Variants in PRPF40B observed in about 807,000 individuals in gnomAD.
PRPF40B encodes pre-mRNA-processing factor 40 homolog B.
Under a neutral mutation model 124.5 loss-of-function variants are expected in PRPF40B, and 56 were observed. The ratio of observed to expected loss-of-function variants is 0.45; its 90% confidence interval spans 0.36 to 0.56. PRPF40B has a LOEUF of 0.56. PRPF40B is among the 20% of genes least tolerant of loss of function. The pLI is 0.00. For synonymous variants in PRPF40B, 443 were observed against 426.4 expected (o/e 1.04, Z -0.48); for missense variants, 1,053 against 1,169.5 (o/e 0.90, Z 1.45).
intron 18 of PRPF40B, 146 bp from the exon 19 acceptor site, chr12:49,641,762 A>G: frequency 1.6e-6 from 1 of 635,286 alleles, no homozygotes; most frequent in Admixed American, 2.7e-5. Context: ...GGACTTGGAT[A>G]ACTTGGTTTC....
chr12:49,634,317 C>A lies in PRPF40B; in HGVS notation c.813-15C>A. The A allele has an allele frequency of 6.2e-7, 1 of 1,614,090 alleles. No individual in the cohort carries two copies. The highest frequency in any genetic ancestry group is 8.5e-7 in the Non-Finnish European group (1 of 1,180,016). On this transcript the variant is annotated splice_polypyrimidine_tract_variant and intron_variant, in intron 10 of 25. Transcript: ENST00000548825. ...AGCTGGGGGACCCTGTGGCTGAGTC[C>A]CCTGTGCCCTCCAGTTCTGGACAGC...
chr12:49,623,693 G>C, intron 1 of PRPF40B, 100 bp downstream of exon 1: 4 of 1,224,176 alleles, frequency 3.3e-6, no homozygotes, highest in Non-Finnish European at 4.1e-6. Context: ...GCTGGGGATA[G>C]CTGGGACCCC....
rs759739465 is a variant in PRPF40B at position 49,635,946 on chromosome 12, A to G, written c.1379A>G (p.Gln460Arg). The G allele has an allele frequency of 6.2e-7, 1 of 1,614,144 alleles. No homozygotes were observed. The highest frequency in any genetic ancestry group is 8.5e-7 in the Non-Finnish European group (1 of 1,180,004). ...NFQTTWSQAQ[Q>R]YLMDNPSFAQ... ...CAAACCACGTGGTCCCAGGCCCAGC[A>G]GTACCTCATGGATAACCCCAGCTTT... Residue 460 changes from glutamine (Q) to arginine (R), a missense_variant, in exon 15 of 26, where the codon CAG (glutamine) becomes CGG (arginine). Gln to Arg is a conservative substitution (Grantham distance 43, BLOSUM62 1). Transcript: ENST00000548825. This position sits in a 1 kb window ranked among gnomAD's most constrained non-coding sequence, Gnocchi z 4.1.
At position 49,641,896 on chromosome 12, in the gene PRPF40B, C is replaced by T. The variant is rs1395628692; in HGVS notation, c.1768-12C>T. On this transcript the variant is annotated splice_polypyrimidine_tract_variant and intron_variant, in intron 18 of 25. Coordinates refer to ENST00000548825, the MANE Select transcript of PRPF40B (RefSeq NM_001031698.3). ...CGTGGTGCCCCTGCTTCATGCACTG[C>T]TGTACCCACAGGACCGGGGCTTCTG... 2 of 1,610,968 alleles carry T rather than the reference C, an allele frequency of 1.2e-6. No individual in the cohort carries two copies. Among genetic ancestry groups the T allele is most frequent in the East Asian group, 4.5e-5 (2 of 44,894 alleles).
chr12:49,641,362 G>C (rs1942625113), intron 18 of PRPF40B: 1 of 152,874 alleles, frequency 6.5e-6, no homozygotes, highest in Non-Finnish European at 1.5e-5. Context: ...TATATCAGCT[G>C]TGAGACCTTG....
chr12:49,634,287 G>A (rs946091604), intron 10 of PRPF40B, 45 bp from the exon 11 acceptor site: 1 of 1,613,356 alleles, frequency 6.2e-7, no homozygotes, highest in African/African-American at 1.3e-5. Flanking sequence ...ACTGAAAGCT[G>A]TGAGAGCTGG....
intron 1 of PRPF40B, among the ~76,000 whole-genome samples, 159 bp from the exon 2 acceptor site, chr12:49,630,386 C>G (rs1941104773): frequency 6.6e-6 from 1 of 152,184 alleles, no homozygotes; most frequent in Non-Finnish European, 1.5e-5. Context: ...GAGAGCAAAC[C>G]TACCAAGGGC....
At chr12:49,630,937 C>T (rs983332958) in intron 2 of PRPF40B, among the ~76,000 whole-genome samples, 4 of 152,176 alleles carry the variant, frequency 2.6e-5, no homozygotes, top group African/African-American at 9.7e-5. Flanking sequence ...TTCACTACTC[C>T]TTACCTATGC....
At chr12:49,623,475 G>T, upstream of PRPF40B, 2 of 1,151,406 alleles carry the variant, frequency 1.7e-6, no homozygotes, top group Non-Finnish European at 2.2e-6. Flanking sequence ...CGGAGCCCCG[G>T]CCACGAAGGG....
In PRPF40B at chr12:49,635,251, C is replaced by T. The variant is rs147618846; in HGVS notation, c.1154C>T (p.Thr385Ile). The T allele has an allele frequency of 1.2e-6, 2 of 1,613,160 alleles. No homozygotes were observed. The highest frequency in any genetic ancestry group is 1.7e-6 in the Non-Finnish European group (2 of 1,179,510). Reference protein sequence around the residue: ...FLEQHERMTSTTRYRRAEQTF... With the variant: ...FLEQHERMTSITRYRRAEQTF... The stretch of plus-strand genomic sequence containing the variant: ...GAGCAGCATGAACGCATGACCTCCA[C>T]CACCCGCTACCGGTCAGGGGGCCAG... Residue 385 changes from threonine (T) to isoleucine (I), a missense_variant, in exon 13 of 26, where the codon ACC becomes ATC. Physicochemically the swap from Thr to Ile is moderately conservative, Grantham distance 89. Coordinates refer to ENST00000548825, the MANE Select transcript of PRPF40B (RefSeq NM_001031698.3). The surrounding 1 kb of genome is among the most constrained non-coding windows in gnomAD (Gnocchi z 4.1).
In PRPF40B at chr12:49,636,623, TGTAGGACAGCATC is replaced by T. The variant is rs1197845130; in HGVS notation, c.1427-90_1427-78del. Reference sequence around the variant, plus strand: ...CACCACCCTGGGTATCCCTAGCACCTGTAGGACAGCATCGTTGAAACATTAGGGGTGCTGGGGT... The same window carrying T: ...CACCACCCTGGGTATCCCTAGCACCTGTTGAAACATTAGGGGTGCTGGGGT... On this transcript the variant is annotated intron_variant, in intron 15 of 25. Coordinates refer to ENST00000548825, the MANE Select transcript of PRPF40B (RefSeq NM_001031698.3). 3.2e-6 allele frequency: 5 copies of T among 1,566,702 alleles called. No individual in the cohort carries two copies. In the East Asian group the frequency reaches 1.1e-4, roughly 35 times the overall value.
rs771093587 is a variant in PRPF40B at position 49,634,592 on chromosome 12, C to T, written c.991C>T (p.Pro331Ser). The T allele has an allele frequency of 2.5e-6, 4 of 1,614,032 alleles. No individual in the cohort carries two copies. The African/African-American group carries it at 5.3e-5, about 22-fold the overall frequency. The change falls in exon 12 of 26, where the codon CCC becomes TCC. Residue 331 changes from proline (P) to serine (S), a missense_variant. By Grantham distance (74) the Pro-to-Ser change is moderately conservative. This residue lies in a region of PRPF40B where 895 missense variants were observed against 1,052.2 expected (regional missense o/e 0.85). Coordinates refer to ENST00000548825, the MANE Select transcript of PRPF40B (RefSeq NM_001031698.3). ...EQAMKMVVTD[P>S]RYSALPKLSE... ...GGCCATGAAGATGGTGGTCACCGAC[C>T]CCCGTTACAGGTAGGCCTGGGCAGA...
rs1426728552 is a variant in PRPF40B at position 49,635,783 on chromosome 12, C to G, written c.1276-60C>G. 2.5e-6 allele frequency: 4 copies of G among 1,596,414 alleles called. No homozygotes were observed. Among genetic ancestry groups the G allele is most frequent in the Admixed American group, 3.4e-5 (2 of 59,578 alleles). Reference sequence around the variant, plus strand: ...TACCTTTCCCCAGGTCCTCCTCTGCCCAGGCCTACTTGGGTAGCTCTGGCC... The same window carrying G: ...TACCTTTCCCCAGGTCCTCCTCTGCGCAGGCCTACTTGGGTAGCTCTGGCC... On this transcript the variant is annotated intron_variant, in intron 14 of 25. Coordinates refer to ENST00000548825, the MANE Select transcript of PRPF40B (RefSeq NM_001031698.3). This position sits in a 1 kb window ranked among gnomAD's most constrained non-coding sequence, Gnocchi z 4.1.
rs758453578 is a variant in PRPF40B at position 49,637,488 on chromosome 12, C to T, written c.1579C>T (p.His527Tyr). The change falls in exon 17 of 26, where the codon CAT becomes TAT. Residue 527 changes from histidine (H) to tyrosine (Y), a missense_variant. This residue lies in a region of PRPF40B where 895 missense variants were observed against 1,052.2 expected (regional missense o/e 0.85). Transcript: ENST00000548825. ...EAFQTFLDEL[H>Y]ETGQLHSMST... ...TGCTCAGACCTTCCTGGACGAGCTG[C>T]ATGAGACAGGGCAGCTGCACTCTAT... The T allele has an allele frequency of 6.2e-7, 1 of 1,613,582 alleles. No individual in the cohort carries two copies. The highest frequency in any genetic ancestry group is 8.5e-7 in the Non-Finnish European group (1 of 1,179,956).
At chr12:49,641,874 G>A in intron 18 of PRPF40B, 34 bp from the exon 19 acceptor site, 1 of 1,589,970 alleles carries the variant, frequency 6.3e-7, no homozygotes, top group Non-Finnish European at 8.6e-7. Context: ...TCAGGCACGT[G>A]GTGCCCCTGC....
In PRPF40B at chr12:49,644,315, C is replaced by G; in HGVS notation, c.*123C>G. ...TCCACTTTTTCTAAAGTAACCCCAC[C>G]CCCAGCACACCATTGTTGGCACCTC... On this transcript the variant is annotated 3_prime_UTR_variant, in exon 26 of 26. Transcript: ENST00000548825. 1 of 1,063,178 alleles carries G rather than the reference C, an allele frequency of 9.4e-7. No homozygotes were observed. Among genetic ancestry groups the G allele is most frequent in the South Asian group, 1.4e-5 (1 of 70,130 alleles). 65.9% of individuals were successfully genotyped at this position (1,063,178 alleles called of 1,614,324 possible).
In PRPF40B at chr12:49,632,489, C is replaced by T; in HGVS notation, c.295-107C>T. ...GTTAGGGAGCAGAGATCTCTAGGAG[C>T]AGGACACATGGATTCTGGCCTGGCC... On this transcript the variant is annotated intron_variant, in intron 4 of 25. Transcript: ENST00000548825. The T allele has an allele frequency of 2.5e-6, 3 of 1,193,312 alleles. No individual in the cohort carries two copies. In the Middle Eastern group the frequency reaches 8.6e-4, roughly 340 times the overall value. 73.9% of individuals were successfully genotyped at this position (1,193,312 alleles called of 1,614,324 possible). A position where few individuals can be genotyped will look rare whatever the true frequency, so the allele number is the denominator to read the frequency against.
At position 49,632,602 on chromosome 12, in the gene PRPF40B, C is replaced by G; in HGVS notation, c.301C>G (p.Pro101Ala). 6.2e-7 allele frequency: 1 copy of G among 1,613,768 alleles called. No homozygotes were observed. Among genetic ancestry groups the G allele is most frequent in the Non-Finnish European group, 8.5e-7 (1 of 1,179,914 alleles). The change falls in exon 5 of 26, where the codon CCG becomes GCG. Residue 101 changes from proline (P) to alanine (A), a missense_variant. Transcript: ENST00000548825. ...PAVPVTAATA[P>A]GADTASSAVA... ...CCTCCTCTTTCTTCGGCAGACGGCTCCGGGTGCGGACACCGCCAGCTGTGA... is the reference window on the plus strand; with the variant it reads ...CCTCCTCTTTCTTCGGCAGACGGCTGCGGGTGCGGACACCGCCAGCTGTGA...
intron 10 of PRPF40B, 109 bp downstream of exon 10, chr12:49,634,201 G>C: frequency 6.3e-7 from 1 of 1,578,654 alleles, no homozygotes; most frequent in East Asian, 2.3e-5. Context: ...GAAGATCTGG[G>C]TGTGACCTCT....
Sources: allele counts gnomAD v4.1 joint callset (sites outside exome capture counted in the v4.1 genomes callset), GRCh38; gene constraint gnomAD v4.1.1; regional missense constraint gnomAD v4.1.1; non-coding constraint Gnocchi (gnomAD v3.1); transcripts MANE v1.5; gene names NCBI Gene and HGNC (gene_info 2026-07-23, HGNC 2026-07-21).